The following SIPA1L3 variants were observed in gnomAD, a reference collection of about 807,000 sequenced individuals.
SIPA1L3 encodes the protein signal-induced proliferation-associated 1-like protein 3.
A neutral mutation model predicts 150.1 loss-of-function variants in SIPA1L3; 59 were observed. That is an observed-to-expected ratio of 0.39 (90% confidence interval 0.32 to 0.49). The LOEUF is 0.49. Among genes scored for constraint, SIPA1L3 ranks in the 20% least tolerant of loss-of-function variants. SIPA1L3 has a pLI of 0.86. For missense variants in SIPA1L3, 2,211 were observed against 2,489.5 expected, an observed-to-expected ratio of 0.89 and a Z score of 2.38; for synonymous variants, 1,070 against 1,077.6, an observed-to-expected ratio of 0.99 and a Z score of 0.14.
intron 3 of SIPA1L3, among the ~76,000 whole-genome samples, chr19:38,084,046 T>A (rs1054900745): frequency 2.0e-5 from 3 of 149,774 alleles, no homozygotes; most frequent in Non-Finnish European, 4.5e-5. Context: ...AGTAACAGGC[T>A]TAAACAACAT....
chr19:38,060,206 A>G (rs73628693), intron 2 of SIPA1L3, among the ~76,000 whole-genome samples: 2 of 152,214 alleles, frequency 1.3e-5, no homozygotes, highest in Admixed American at 1.3e-4. Flanking sequence ...TGAACTTTAT[A>G]TAAAAACAGT....
intron 1 of SIPA1L3, among the ~76,000 whole-genome samples, chr19:37,956,298 T>A (rs2046809972): frequency 6.6e-6 from 1 of 152,226 alleles, no homozygotes; most frequent in African/African-American, 2.4e-5. Context: ...TTATTGGCCA[T>A]TCGTGTATCT....
chr19:37,994,111 A>G (rs2145641364), intron 1 of SIPA1L3, among the ~76,000 whole-genome samples: 1 of 152,194 alleles, frequency 6.6e-6, no homozygotes, highest in South Asian at 2.1e-4. Context: ...TTTGTTGTCC[A>G]GACTGGTATT....
At chr19:38,111,113 C>T (rs1465413731) in intron 8 of SIPA1L3, among the ~76,000 whole-genome samples, 1 of 151,670 alleles carries the variant, frequency 6.6e-6, no homozygotes, top group East Asian at 1.9e-4. Flanking sequence ...AGCCTTGACC[C>T]CCCCGGGCTC....
At chr19:38,045,932 T>G (rs1393891345) in intron 2 of SIPA1L3, among the ~76,000 whole-genome samples, 1 of 152,074 alleles carries the variant, frequency 6.6e-6, no homozygotes, top group Non-Finnish European at 1.5e-5. Flanking sequence ...ACAGAAGGGT[T>G]TTCAGGGGAG....
chr19:38,123,775 A>T (rs1427107524), intron 9 of SIPA1L3, among the ~76,000 whole-genome samples: 4 of 151,170 alleles, frequency 2.6e-5, no homozygotes, highest in South Asian at 2.1e-4. Context: ...CAATGAGCTG[A>T]TGGGTACACC....
intron 1 of SIPA1L3, among the ~76,000 whole-genome samples, chr19:38,019,836 T>C (rs1385538711): frequency 6.6e-6 from 1 of 152,058 alleles, no homozygotes; most frequent in Non-Finnish European, 1.5e-5. Context: ...ACCTGTAATC[T>C]CAGCATTTTG....
At chr19:38,001,535 C>G (rs1277087808) in intron 1 of SIPA1L3, among the ~76,000 whole-genome samples, 1 of 152,166 alleles carries the variant, frequency 6.6e-6, no homozygotes, top group African/African-American at 2.4e-5. Context: ...AGGTGATCCT[C>G]TTGCCTCAGC....
chr19:38,199,557 G>A (rs1206989738), intron 19 of SIPA1L3, among the ~76,000 whole-genome samples: 1 of 152,134 alleles, frequency 6.6e-6, no homozygotes, highest in African/African-American at 2.4e-5. Flanking sequence ...GTCGCCTAGG[G>A]AGCTTTTTGC....
chr19:38,104,138 G>A (rs1453915047), intron 6 of SIPA1L3, among the ~76,000 whole-genome samples: 2 of 151,994 alleles, frequency 1.3e-5, no homozygotes, highest in Admixed American at 6.6e-5. Flanking sequence ...GCCAAGACTC[G>A]GTTTGCTCTT....
intron 1 of SIPA1L3, among the ~76,000 whole-genome samples, chr19:37,941,455 T>G (rs866884488): frequency 1.4e-5 from 2 of 146,276 alleles, no homozygotes; most frequent in African/African-American, 2.7e-5. Context: ...GTTGTGTGTT[T>G]TTTTTTTTTT....
At chr19:38,075,413 G>A (rs1375450716) in intron 2 of SIPA1L3, among the ~76,000 whole-genome samples, 8 of 151,916 alleles carry the variant, frequency 5.3e-5, no homozygotes, top group East Asian at 1.9e-4. Flanking sequence ...CTGAGATGGC[G>A]CCACTGCACT....
chr19:38,000,916 TATATAACATATATATAAC>T (rs1967780251), intron 1 of SIPA1L3, among the ~76,000 whole-genome samples: 1 of 114,096 alleles, frequency 8.8e-6, no homozygotes, highest in African/African-American at 3.2e-5. Context: ...ATATAACATA[TATATAACATATATATAAC>T]ATATATAACA....
At chr19:38,011,914 T>G (rs763646131) in intron 1 of SIPA1L3, among the ~76,000 whole-genome samples, 1 of 151,878 alleles carries the variant, frequency 6.6e-6, no homozygotes, top group African/African-American at 2.4e-5. Flanking sequence ...AGGATGTATT[T>G]TGGAGGTAGT....
At chr19:37,937,502 G>C (rs1342317196) in intron 1 of SIPA1L3, among the ~76,000 whole-genome samples, 2 of 151,740 alleles carry the variant, frequency 1.3e-5, no homozygotes, top group Non-Finnish European at 2.9e-5. Context: ...ACTTTGGGAG[G>C]CTGAGGCAGC....
At chr19:38,128,062 T>C (rs1363513538) in intron 9 of SIPA1L3, among the ~76,000 whole-genome samples, 17 of 140,360 alleles carry the variant, frequency 1.2e-4, no homozygotes, top group African/African-American at 4.5e-4. Context: ...TTTTTTTTTT[T>C]TTTTTTTTTT....
At chr19:38,138,891 C>CT (rs1430776070) in intron 10 of SIPA1L3, among the ~76,000 whole-genome samples, 5 of 22,066 alleles carry the variant, frequency 2.3e-4, no homozygotes, top group Middle Eastern at 0.018. Flanking sequence ...GAACGAGACT[C>CT]TATCTCAAAA....
At chr19:38,172,945 A>G (rs1972358067) in intron 15 of SIPA1L3, among the ~76,000 whole-genome samples, 1 of 152,046 alleles carries the variant, frequency 6.6e-6, no homozygotes, top group Admixed American at 6.6e-5. Context: ...CCCCATGTCT[A>G]CAAAAAATTA....
At chr19:37,924,931 C>A (rs2046489509) in intron 1 of SIPA1L3, among the ~76,000 whole-genome samples, 1 of 151,166 alleles carries the variant, frequency 6.6e-6, no homozygotes, top group African/African-American at 2.4e-5. Flanking sequence ...CACCTGTAAT[C>A]TGAGCTACTC....
Sources: gnomAD v4.1 joint callset for allele counts (sites outside exome capture counted in the v4.1 genomes callset) on GRCh38, gnomAD v4.1.1 for gene constraint, MANE v1.5 for transcripts, NCBI Gene and HGNC (gene_info 2026-07-23, HGNC 2026-07-21) for gene names.